The following PBRM1 variants were observed in gnomAD, a reference collection of about 807,000 sequenced individuals.
PBRM1 encodes protein polybromo-1.
A neutral mutation model predicts 194.5 loss-of-function variants in PBRM1; 27 were observed. The ratio of observed to expected loss-of-function variants is 0.14; its 90% CI spans 0.10 to 0.19. The LOEUF (loss-of-function observed/expected upper bound fraction) is 0.19. PBRM1 is among the 10% of genes least tolerant of loss of function. PBRM1 has a pLI of 1.00. For missense variants in PBRM1, 1,466 were observed against 2,077.2 expected, an observed-to-expected ratio of 0.71 and a Z score of 5.72; for synonymous variants, 655 against 693.2, an observed-to-expected ratio of 0.94 and a Z score of 0.87.
intron 17 of PBRM1, among the ~76,000 whole-genome samples, chr3:52,597,758 C>CTACT (rs764200512): frequency 1.0e-3 from 151 of 151,646 alleles, no homozygotes; most frequent in Non-Finnish European, 1.8e-3. Flanking sequence ...GGCTGGAGTG[C>CTACT]AGTAGCACAA....
At chr3:52,610,649 T>C (rs918645543) in intron 15 of PBRM1, among the ~76,000 whole-genome samples, 2 of 152,100 alleles carry the variant, frequency 1.3e-5, no homozygotes, top group African/African-American at 4.8e-5. Flanking sequence ...CAATAGAATA[T>C]AGGAACCGGC....
At chr3:52,587,828 G>T (rs553842686) in intron 18 of PBRM1, among the ~76,000 whole-genome samples, 2 of 151,940 alleles carry the variant, frequency 1.3e-5, no homozygotes, top group Non-Finnish European at 2.9e-5. Context: ...ATCCACAGGA[G>T]AAATAATACT....
At chr3:52,585,113 A>C (rs899250635) in intron 20 of PBRM1, among the ~76,000 whole-genome samples, 11 of 152,234 alleles carry the variant, frequency 7.2e-5, no homozygotes, top group African/African-American at 2.4e-4. Flanking sequence ...TTCTCAAAGA[A>C]GTAATTTGAT....
chr3:52,677,255 A>C (rs1026879129), intron 2 of PBRM1, among the ~76,000 whole-genome samples: 1 of 152,188 alleles, frequency 6.6e-6, no homozygotes, highest in African/African-American at 2.4e-5. Flanking sequence ...GTACAAAATG[A>C]AAAGGCAACC....
chr3:52,670,792 G>A (rs1030627353), intron 2 of PBRM1, among the ~76,000 whole-genome samples: 1 of 152,228 alleles, frequency 6.6e-6, no homozygotes, highest in Non-Finnish European at 1.5e-5. Flanking sequence ...AGGAGGTCAA[G>A]GCTGTAGTGT....
chr3:52,634,239 C>T (rs2095715885), intron 11 of PBRM1, among the ~76,000 whole-genome samples: 1 of 151,974 alleles, frequency 6.6e-6, no homozygotes, highest in Non-Finnish European at 1.5e-5. Flanking sequence ...GAGATCGAGA[C>T]CATCCTGGCC....
At chr3:52,572,129 G>GAA (rs10634292) in intron 22 of PBRM1, among the ~76,000 whole-genome samples, 4,662 of 109,368 alleles carry the variant, frequency 0.043, 248 homozygotes, top group African/African-American at 0.13. Context: ...TAATATTTTT[G>GAA]AAAAAAAAAA....
At chr3:52,545,421 A>C (rs541823843), downstream of PBRM1, 5 of 231,818 alleles carry the variant, frequency 2.2e-5, no homozygotes, top group South Asian at 1.8e-4. Context: ...TGAACAACAA[A>C]AAAAAGATAC....
intron 20 of PBRM1, among the ~76,000 whole-genome samples, chr3:52,584,303 A>T (rs12487445): frequency 6.6e-6 from 1 of 151,822 alleles, no homozygotes; most frequent in Non-Finnish European, 1.5e-5. Context: ...TGTATTCAAC[A>T]CTTTCACTTT....
At chr3:52,658,652 A>T (rs559324469) in intron 4 of PBRM1, among the ~76,000 whole-genome samples, 1 of 152,084 alleles carries the variant, frequency 6.6e-6, no homozygotes, top group East Asian at 1.9e-4. Context: ...TCGGCCTCTC[A>T]AAGTGCTGGG....
chr3:52,550,908 T>C, intron 27 of PBRM1, 91 bp from the exon 30 acceptor site: 1 of 814,612 alleles, frequency 1.2e-6, no homozygotes, highest in Non-Finnish European at 2.1e-6. Context: ...CCATTCATAA[T>C]TCAAACCTAT....
chr3:52,554,920 T>C (rs770369140), intron 26 of PBRM1, 41 bp from the exon 29 acceptor site: 17 of 1,582,480 alleles, frequency 1.1e-5, no homozygotes, highest in Non-Finnish European at 6.9e-6. Flanking sequence ...ATCATTAACA[T>C]GCAACATGAG....
At chr3:52,551,316 C>T (rs912416410) in intron 27 of PBRM1, among the ~76,000 whole-genome samples, 1 of 152,190 alleles carries the variant, frequency 6.6e-6, no homozygotes, top group African/African-American at 2.4e-5. Flanking sequence ...CCTTGCTATC[C>T]CCTCCCAGAC....
rs140027362 is a variant in PBRM1 at position 52,597,527 on chromosome 3, G to T, written c.2779+5994C>A. On this transcript the variant is annotated intron_variant, in intron 17 of 29. Coordinates refer to ENST00000296302, the Ensembl canonical transcript of PBRM1. ...GGTTCTTGAGAATTTTATACCAGCA[G>T]TAACACTATCAGTTTACTCAAAGGG... 4.0e-3 allele frequency among the ~76,000 whole-genome samples: 613 copies of T among 152,276 alleles called. 3 individuals are homozygous for T. Among genetic ancestry groups the T allele is most frequent in the South Asian group, 0.023 (109 of 4,828 alleles).
intron 2 of PBRM1, among the ~76,000 whole-genome samples, chr3:52,671,891 G>A (rs1288560244): frequency 6.6e-6 from 1 of 152,160 alleles, no homozygotes; most frequent in African/African-American, 2.4e-5. Context: ...GTTCAACTTA[G>A]AGCTTGGTAA....
intron 9 of PBRM1, among the ~76,000 whole-genome samples, chr3:52,642,341 G>A (rs571539422): frequency 7.9e-5 from 12 of 152,082 alleles, no homozygotes; most frequent in Non-Finnish European, 1.3e-4. Flanking sequence ...GAGGCTGGGC[G>A]TGGTGGCTCA....
At chr3:52,635,190 G>A (rs1037066491) in intron 10 of PBRM1, among the ~76,000 whole-genome samples, 1 of 152,026 alleles carries the variant, frequency 6.6e-6, no homozygotes, top group Admixed American at 6.6e-5. Flanking sequence ...GCCTCCTAAA[G>A]TGCTGGGATT....
In PBRM1 at chr3:52,637,722, G is replaced by A. The variant is rs924162060; in HGVS notation, c.1088-2907C>T. 9.1e-5 allele frequency among the ~76,000 whole-genome samples: 13 copies of A among 142,340 alleles called. No homozygotes were observed. The East Asian group carries it at 2.5e-3, about 27-fold the overall frequency. 93.4% of individuals were successfully genotyped at this position (142,340 alleles called of 152,430 possible). On this transcript the variant is annotated intron_variant, in intron 10 of 29. Transcript: ENST00000296302. The stretch of plus-strand genomic sequence containing the variant: ...GCGGGCGGATCATTTGAGGCCAGGA[G>A]TTCGAGATCAGCCTGGCCAACATGG...
intron 13 of PBRM1, among the ~76,000 whole-genome samples, chr3:52,620,239 G>T (rs571146942): frequency 6.6e-6 from 1 of 152,272 alleles, no homozygotes; most frequent in South Asian, 2.1e-4. Context: ...TAACCTTCAG[G>T]AAGTCTCTAA....
Sources: allele counts gnomAD v4.1 joint callset (sites outside exome capture counted in the v4.1 genomes callset), GRCh38; gene constraint gnomAD v4.1.1; transcripts MANE v1.5; gene names NCBI Gene and HGNC (gene_info 2026-07-23, HGNC 2026-07-21).